Variants in ISY1 observed in about 807,000 individuals in gnomAD.
ISY1 encodes pre-mRNA-splicing factor ISY1 homolog.
Under a neutral mutation model 54.4 loss-of-function variants are expected in ISY1, and 12 were observed. The observed-to-expected ratio is 0.22, with a 90% CI of 0.14 to 0.36. The LOEUF is 0.36. Ranked by LOEUF, ISY1 falls within the 10% of genes least tolerant of loss-of-function variation. The pLI, the probability that ISY1 is intolerant of heterozygous loss-of-function variation, is 1.00. For missense variants in ISY1, 282 were observed against 342.2 expected, an observed-to-expected ratio of 0.82 and a Z score of 1.39; for synonymous variants, 96 against 117.9, an observed-to-expected ratio of 0.81 and a Z score of 1.20.
intron 6 of ISY1, chr3:129,144,323 A>T (rs896474805): frequency 2.5e-5 from 5 of 197,792 alleles, no homozygotes; most frequent in Non-Finnish European, 3.2e-5. Context: ...CAGACACAAA[A>T]GGTGCTTCAG....
Position 129,130,165 on chromosome 3 carries a change from C to T in ISY1, c.774G>A (p.Arg258=), listed in dbSNP as rs1466168863. ...QQEIEEALVR[R]KKMELLQKYA... ...ACTTCTGGAGGAGTTCCATTTTCTT[C>T]CTTCGCACCAGTGCCTCCTCAATCT... Residue 258 remains arginine, a synonymous_variant, in exon 11 of 11, where the codon AGG becomes AGA. Transcript: ENST00000393295. The T allele has an allele frequency of 1.9e-6, 3 of 1,611,362 alleles. No homozygotes were observed. The highest frequency in any genetic ancestry group is 1.3e-5 in the African/African-American group (1 of 74,766).
intron 7 of ISY1, among the ~76,000 whole-genome samples, chr3:129,137,913 T>A (rs1936470697): frequency 3.8e-5 from 3 of 79,254 alleles, no homozygotes; most frequent in African/African-American, 5.1e-5. Context: ...AGACTCCATG[T>A]CAAAAAAAAA....
intron 9 of ISY1, among the ~76,000 whole-genome samples, chr3:129,132,864 C>A (rs1936275350): frequency 6.6e-6 from 1 of 152,246 alleles, no homozygotes; most frequent in Non-Finnish European, 1.5e-5. Flanking sequence ...GCTGGCCCAG[C>A]TGGACATGAG....
At chr3:129,144,134 T>A (rs924739672) in intron 6 of ISY1, 61 of 430,474 alleles carry the variant, frequency 1.4e-4, no homozygotes, top group African/African-American at 1.0e-3. Flanking sequence ...AAATAAAATC[T>A]CCACCACACA....
chr3:129,153,033 G>A (rs1316754429), intron 5 of ISY1, among the ~76,000 whole-genome samples: 2 of 143,560 alleles, frequency 1.4e-5, no homozygotes, highest in African/African-American at 5.2e-5. Context: ...TTTTTGAGAT[G>A]GACTGTCGCT....
chr3:129,135,332 A>G (rs549928723), intron 7 of ISY1, among the ~76,000 whole-genome samples: 1 of 152,100 alleles, frequency 6.6e-6, no homozygotes, highest in Admixed American at 6.6e-5. Context: ...CGACAAAACA[A>G]GACTCCATCA....
At chr3:129,136,242 C>T (rs1334462179) in intron 7 of ISY1, among the ~76,000 whole-genome samples, 2 of 151,066 alleles carry the variant, frequency 1.3e-5, no homozygotes, top group African/African-American at 4.9e-5. Context: ...GCTGGGATTA[C>T]AAGCACCCGC....
intron 6 of ISY1, among the ~76,000 whole-genome samples, chr3:129,141,193 T>TTAAA (rs113443810): frequency 0.05 from 7,031 of 139,626 alleles, 244 homozygotes; most frequent in African/African-American, 0.092. Flanking sequence ...CTGGAGTAAA[T>TTAAA]TAAATAAATA....
intron 6 of ISY1, among the ~76,000 whole-genome samples, chr3:129,142,001 T>G (rs1042860705): frequency 2.6e-5 from 4 of 151,798 alleles, no homozygotes; most frequent in African/African-American, 7.3e-5. Flanking sequence ...GGTCAGGAGT[T>G]CAAGACCAGC....
intron 7 of ISY1, 152 bp downstream of exon 7, chr3:129,140,216 A>G: frequency 1.4e-6 from 1 of 711,120 alleles, no homozygotes; most frequent in Non-Finnish European, 2.3e-6. Flanking sequence ...CCCAGTTCTT[A>G]AGAATTCTCA....
intron 9 of ISY1, among the ~76,000 whole-genome samples, chr3:129,133,213 C>G (rs1335547019): frequency 6.6e-6 from 1 of 152,090 alleles, no homozygotes; most frequent in Non-Finnish European, 1.5e-5. Flanking sequence ...ACAGATATGT[C>G]AAGATTACTT....
intron 10 of ISY1, 85 bp downstream of exon 10, chr3:129,130,465 G>A: frequency 6.6e-7 from 1 of 1,517,724 alleles, no homozygotes. Flanking sequence ...GGGTAGGAAG[G>A]ACAACGAAAA....
At chr3:129,144,197 C>G in intron 6 of ISY1, 1 of 421,388 alleles carries the variant, frequency 2.4e-6, no homozygotes, top group Non-Finnish European at 4.8e-6. Context: ...ATACTAAAAT[C>G]GGAATGATAC....
chr3:129,138,814 C>CAA (rs752198992), intron 7 of ISY1, among the ~76,000 whole-genome samples: 3 of 111,000 alleles, frequency 2.7e-5, no homozygotes, highest in Non-Finnish European at 5.6e-5. Flanking sequence ...GACTCCATCT[C>CAA]AAAAAAAAAA....
In ISY1 at chr3:129,156,375, G is replaced by C. The variant is rs371979274; in HGVS notation, c.187+258C>G. ...GATCGCACCACTGCACTCCAGCCTGGGTGACAGAGTGAGACTCTGTCTCAA... is the reference window on the plus strand; with the variant it reads ...GATCGCACCACTGCACTCCAGCCTGCGTGACAGAGTGAGACTCTGTCTCAA... On this transcript the variant is annotated intron_variant, in intron 5 of 10. Transcript: ENST00000393295. Among the ~76,000 whole-genome samples, 13 of 147,816 alleles carry C rather than the reference G, an allele frequency of 8.8e-5. No homozygotes were observed. In the South Asian group the frequency reaches 2.9e-3, roughly 33 times the overall value.
chr3:129,149,427 CAAAAAAA>C (rs767849123), intron 5 of ISY1, among the ~76,000 whole-genome samples: 18 of 24,212 alleles, frequency 7.4e-4, no homozygotes, highest in Non-Finnish European at 1.3e-3. Context: ...AACTCTATCT[CAAAAAAA>C]AAAAAAAAAA....
intron 3 of ISY1, among the ~76,000 whole-genome samples, chr3:129,157,892 T>C (rs996994860): frequency 2.6e-5 from 4 of 151,846 alleles, no homozygotes; most frequent in African/African-American, 9.7e-5. Flanking sequence ...ATTCTGAAGT[T>C]TGAAGTCTGT....
At chr3:129,154,242 C>CAAA (rs777277943) in intron 5 of ISY1, among the ~76,000 whole-genome samples, 14 of 47,788 alleles carry the variant, frequency 2.9e-4, no homozygotes, top group East Asian at 2.4e-3. Flanking sequence ...GACTCTGTCT[C>CAAA]AAAAAAAAAA....
At chr3:129,157,195 A>G (rs1937167033) in intron 3 of ISY1, among the ~76,000 whole-genome samples, 1 of 152,256 alleles carries the variant, frequency 6.6e-6, no homozygotes, top group Non-Finnish European at 1.5e-5. Flanking sequence ...GCATATTTAT[A>G]GTACCTTAAG....
Sources: gnomAD v4.1 joint callset for allele counts (sites outside exome capture counted in the v4.1 genomes callset) on GRCh38, gnomAD v4.1.1 for gene constraint, MANE v1.5 for transcripts, NCBI Gene and HGNC (gene_info 2026-07-23, HGNC 2026-07-21) for gene names.